BICC1: variants seen among roughly 807,000 people sequenced by gnomAD.
BICC1 encodes BicC family RNA binding protein 1.
A neutral mutation model predicts 111.0 loss-of-function variants in BICC1; 43 were observed. The ratio of observed to expected loss-of-function variants is 0.39; its 90% CI spans 0.30 to 0.50. BICC1 has a LOEUF of 0.50. Among genes scored for constraint, BICC1 ranks in the 20% least tolerant of loss-of-function variants. The pLI, the probability that BICC1 is intolerant of heterozygous loss-of-function variation, is 0.88. For synonymous variants in BICC1, 467 were observed against 434.4 expected (o/e 1.07, Z -0.93); for missense variants, 1,091 against 1,203.2 (o/e 0.91, Z 1.38).
At chr10:58,658,355 C>A (rs766545281) in intron 2 of BICC1, among the ~76,000 whole-genome samples, 1 of 151,948 alleles carries the variant, frequency 6.6e-6, no homozygotes, top group South Asian at 2.1e-4. Context: ...GTCCAGCTAA[C>A]TTTTTGTATT....
chr10:58,806,293 G>A (rs1843705994), intron 15 of BICC1, among the ~76,000 whole-genome samples: 1 of 151,926 alleles, frequency 6.6e-6, no homozygotes, highest in East Asian at 1.9e-4. Flanking sequence ...TGGTGTGCTA[G>A]GTATTTATGG....
At position 58,800,901 on chromosome 10, in the gene BICC1, G is replaced by A. The variant is rs1205040490; in HGVS notation, c.1870G>A (p.Ala624Thr). ...CTTTTCCTCTGCAGGTTGTAATGAT[G>A]CTTTTGTTGAAGTAGGCATGCCTCG... Reference protein sequence around the residue: ...KSSPTEGCNDAFVEVGMPRSP... With the variant: ...KSSPTEGCNDTFVEVGMPRSP... Residue 624 changes from alanine to threonine, a missense_variant, in exon 14 of 21, where the codon GCT becomes ACT. By Grantham distance (58) the Ala-to-Thr change is moderately conservative. Transcript: ENST00000373886. 6.3e-7 allele frequency: 1 copy of A among 1,598,622 alleles called. No homozygotes were observed. The highest frequency in any genetic ancestry group is 1.1e-5 in the South Asian group (1 of 88,278).
chr10:58,809,914 G>A (rs1004546675), intron 17 of BICC1, among the ~76,000 whole-genome samples: 3 of 152,170 alleles, frequency 2.0e-5, no homozygotes, highest in Admixed American at 1.3e-4. Flanking sequence ...ATAGCAAAGG[G>A]TGGTATGTAA....
intron 2 of BICC1, among the ~76,000 whole-genome samples, chr10:58,690,102 T>C (rs1411206578): frequency 6.6e-6 from 1 of 152,228 alleles, no homozygotes; most frequent in Admixed American, 6.5e-5. Context: ...AAGTAAACTC[T>C]GGGCTATCAT....
At position 58,825,898 on chromosome 10, in the gene BICC1, G is replaced by A. The variant is rs371407724; in HGVS notation, c.2795-2863G>A. Among the ~76,000 whole-genome samples the A allele has an allele frequency of 2.6e-4, 40 of 152,118 alleles. 1 individual carries two copies. The East Asian group carries it at 6.0e-3, about 23-fold the overall frequency. On this transcript the variant is annotated intron_variant, in intron 20 of 20. Transcript: ENST00000373886. ...CAAAGTTATGACATCATGGGAAAAA[G>A]TTGAATTGCTTGATATGTACCACAG...
At chr10:58,700,399 A>G (rs1840196316) in intron 2 of BICC1, among the ~76,000 whole-genome samples, 1 of 152,042 alleles carries the variant, frequency 6.6e-6, no homozygotes, top group Non-Finnish European at 1.5e-5. Context: ...GTTGAGAAAG[A>G]TAACATTTTT....
intron 1 of BICC1, among the ~76,000 whole-genome samples, chr10:58,615,773 G>GT (rs1242649909): frequency 6.6e-6 from 1 of 152,186 alleles, no homozygotes; most frequent in Non-Finnish European, 1.5e-5. Flanking sequence ...TGCAACATGA[G>GT]TTATGGTGCC....
At chr10:58,590,323 A>G (rs1844571064) in intron 1 of BICC1, among the ~76,000 whole-genome samples, 1 of 152,278 alleles carries the variant, frequency 6.6e-6, no homozygotes, top group African/African-American at 2.4e-5. Flanking sequence ...ATCTCTGACC[A>G]GATTGGATGT....
At chr10:58,622,628 T>C (rs191582486) in intron 2 of BICC1, among the ~76,000 whole-genome samples, 1 of 152,328 alleles carries the variant, frequency 6.6e-6, no homozygotes, top group African/African-American at 2.4e-5. Context: ...GAACTGTCTT[T>C]TCCATAGATA....
At chr10:58,797,075 C>T (rs552308653) in intron 10 of BICC1, among the ~76,000 whole-genome samples, 5 of 152,168 alleles carry the variant, frequency 3.3e-5, no homozygotes, top group Admixed American at 2.0e-4. Flanking sequence ...AATGAACAAA[C>T]GTCATCATCT....
chr10:58,777,125 T>C (rs1842769264), intron 3 of BICC1, among the ~76,000 whole-genome samples: 1 of 151,424 alleles, frequency 6.6e-6, no homozygotes, highest in African/African-American at 2.4e-5. Context: ...CTGGTATGCC[T>C]TGATTTTTGC....
intron 1 of BICC1, among the ~76,000 whole-genome samples, chr10:58,594,166 A>G (rs943106060): frequency 2.6e-5 from 4 of 151,928 alleles, no homozygotes; most frequent in African/African-American, 4.8e-5. Context: ...AGAGGAGACA[A>G]GATTAGAGAA....
At chr10:58,623,056 A>G (rs562111391) in intron 2 of BICC1, among the ~76,000 whole-genome samples, 2 of 152,328 alleles carry the variant, frequency 1.3e-5, no homozygotes, top group African/African-American at 4.8e-5. Flanking sequence ...CTGGAAGGAT[A>G]TCTACCTAGC....
chr10:58,683,097 A>T (rs970744985), intron 2 of BICC1, among the ~76,000 whole-genome samples: 1 of 152,206 alleles, frequency 6.6e-6, no homozygotes, highest in Admixed American at 6.5e-5. Flanking sequence ...AGCTTTCTAC[A>T]TATGGCTAGC....
At chr10:58,753,799 A>G (rs777174495) in intron 3 of BICC1, among the ~76,000 whole-genome samples, 18 of 151,910 alleles carry the variant, frequency 1.2e-4, no homozygotes, top group Non-Finnish European at 2.1e-4. Flanking sequence ...TTTGTAATAT[A>G]CCTTGATATA....
intron 3 of BICC1, among the ~76,000 whole-genome samples, chr10:58,731,230 G>C (rs1469336355): frequency 1.3e-5 from 2 of 152,194 alleles, no homozygotes; most frequent in Admixed American, 6.5e-5. Flanking sequence ...CATAACAAAA[G>C]TGACTGCTGG....
chr10:58,648,227 G>A (rs903683381), intron 2 of BICC1, among the ~76,000 whole-genome samples: 1 of 152,160 alleles, frequency 6.6e-6, no homozygotes, highest in Non-Finnish European at 1.5e-5. Flanking sequence ...TGCTTTAGGA[G>A]GGTGTAGTGT....
rs1214608110 is a variant in BICC1, at chr10:58,641,438, C to T, written c.237+20537C>T. ...TTCCTGAGGTTAGGAGATGATTTGG[C>T]GCCATCTAGGTTGACTTCTTTTTTT... is the stretch of plus-strand genomic sequence containing the variant. On this transcript the variant is annotated intron_variant, in intron 2 of 20. Coordinates refer to ENST00000373886, the MANE Select transcript of BICC1 (RefSeq NM_001080512.3). Among the ~76,000 whole-genome samples the T allele has an allele frequency of 2.0e-5, 3 of 151,790 alleles. No homozygotes were observed. In the South Asian group the frequency reaches 6.2e-4, roughly 32 times the overall value.
chr10:58,518,570 T>C (rs1842302584), intron 1 of BICC1, among the ~76,000 whole-genome samples: 1 of 126,890 alleles, frequency 7.9e-6, no homozygotes, highest in Non-Finnish European at 1.6e-5. Context: ...TGCATGTGAA[T>C]CCTTTGTGTA....
Sources: gnomAD v4.1 joint callset for allele counts (sites outside exome capture counted in the v4.1 genomes callset) on GRCh38, gnomAD v4.1.1 for gene constraint, MANE v1.5 for transcripts, NCBI Gene and HGNC (gene_info 2026-07-23, HGNC 2026-07-21) for gene names.